Variants in DIAPH2 observed in about 807,000 individuals in gnomAD.
DIAPH2 encodes the protein diaphanous related formin 2, also known as protein diaphanous homolog 2.
A neutral mutation model predicts 92.7 loss-of-function variants in DIAPH2; 35 were observed. The observed-to-expected ratio is 0.38, with a 90% CI of 0.29 to 0.50. The LOEUF is 0.50. Among genes scored for constraint, DIAPH2 ranks in the 20% least tolerant of loss-of-function variants. The pLI, the probability that DIAPH2 is intolerant of heterozygous loss-of-function variation, is 0.94. For synonymous variants in DIAPH2, 301 were observed against 280.4 expected (o/e 1.07, Z -0.73); for missense variants, 701 against 819.5 (o/e 0.86, Z 1.77).
At chrX:97,042,059 C>T (rs777842508) in intron 17 of DIAPH2, among the ~76,000 whole-genome samples, 7 of 111,581 alleles carry the variant, frequency 6.3e-5, no homozygotes, top group Non-Finnish European at 1.3e-4. Flanking sequence ...CTTAACCTCT[C>T]TAAATCTCAG....
chrX:97,206,395 T>C (rs2067796469), intron 22 of DIAPH2, among the ~76,000 whole-genome samples: 1 of 112,110 alleles, frequency 8.9e-6, no homozygotes, highest in Non-Finnish European at 1.9e-5. Context: ...TCTTCCAAGC[T>C]ACTTCTAAAA....
At chrX:96,941,805 G>A (rs1455841537) in intron 12 of DIAPH2, among the ~76,000 whole-genome samples, 1 of 110,111 alleles carries the variant, frequency 9.1e-6, no homozygotes, top group Admixed American at 9.8e-5. Context: ...GTCACTAGAT[G>A]TAGTTGATTA....
intron 25 of DIAPH2, among the ~76,000 whole-genome samples, chrX:97,403,460 T>C (rs2069777724): frequency 8.9e-6 from 1 of 112,217 alleles, no homozygotes; most frequent in African/African-American, 3.2e-5. Flanking sequence ...ATGAATACTT[T>C]ACATACTCTA....
chrX:97,290,926 A>G, intron 23 of DIAPH2, among the ~76,000 whole-genome samples: 1 of 109,047 alleles, frequency 9.2e-6, no homozygotes, highest in East Asian at 2.9e-4. Flanking sequence ...ATACAAAAAA[A>G]GAAAAAAATT....
chrX:96,974,613 T>C (rs1017114028), intron 17 of DIAPH2, among the ~76,000 whole-genome samples: 1 of 111,836 alleles, frequency 8.9e-6, no homozygotes, highest in Non-Finnish European at 1.9e-5. Flanking sequence ...AATATATATG[T>C]TAGAAACAGC....
At chrX:97,446,922 A>G (rs1164951961) in intron 26 of DIAPH2, among the ~76,000 whole-genome samples, 1 of 109,265 alleles carries the variant, frequency 9.2e-6, no homozygotes, top group African/African-American at 3.3e-5. Flanking sequence ...TCTGGGCCCT[A>G]TAATATGTGG....
intron 4 of DIAPH2, among the ~76,000 whole-genome samples, chrX:96,857,253 T>C (rs2065046525): frequency 8.9e-6 from 1 of 111,862 alleles, no homozygotes; most frequent in Non-Finnish European, 1.9e-5. Flanking sequence ...GAATGCTCAC[T>C]GAATGTATAT....
intron 21 of DIAPH2, among the ~76,000 whole-genome samples, chrX:97,118,482 C>T (rs1320499141): frequency 9.0e-6 from 1 of 111,482 alleles, no homozygotes; most frequent in Non-Finnish European, 1.9e-5. Context: ...ATAGGGCTAC[C>T]AAAGGTTAGG....
chrX:97,363,736 A>G (rs1291459456), intron 24 of DIAPH2, among the ~76,000 whole-genome samples: 2 of 108,612 alleles, frequency 1.8e-5, no homozygotes, highest in Non-Finnish European at 3.8e-5. Flanking sequence ...TTCTTCCTCA[A>G]GGGAACTCGG....
intron 26 of DIAPH2, chrX:97,469,784 C>A (rs2070547191): frequency 8.4e-7 from 1 of 1,185,825 alleles, no homozygotes; most frequent in Non-Finnish European, 1.1e-6. Context: ...GGTGATGGTA[C>A]AACATGACTT....
chrX:97,221,261 T>C (rs957074558), intron 22 of DIAPH2, among the ~76,000 whole-genome samples: 1 of 111,997 alleles, frequency 8.9e-6, no homozygotes, highest in African/African-American at 3.2e-5. Flanking sequence ...AGGATATGCA[T>C]AGTGAGTTGA....
At chrX:97,286,043 T>C (rs1420638503) in intron 23 of DIAPH2, among the ~76,000 whole-genome samples, 1 of 100,001 alleles carries the variant, frequency 1.0e-5, no homozygotes, top group Non-Finnish European at 2.0e-5. Context: ...CCCAGAAACT[T>C]TTTTTTTTTT....
intron 1 of DIAPH2, among the ~76,000 whole-genome samples, chrX:96,693,245 C>A (rs889704268): frequency 1.8e-5 from 2 of 112,270 alleles, no homozygotes; most frequent in African/African-American, 6.5e-5. Context: ...CTCCACTCTG[C>A]AACTTCTAGA....
chrX:97,042,373 C>G (rs956993892), intron 17 of DIAPH2, among the ~76,000 whole-genome samples: 1 of 110,155 alleles, frequency 9.1e-6, no homozygotes, highest in African/African-American at 3.3e-5. Context: ...TATTTTCTTT[C>G]TCTCAGGCTT....
At chrX:97,429,810 C>CAAAA in intron 26 of DIAPH2, 65 bp downstream of exon 26, 1 of 807,332 alleles carries the variant, frequency 1.2e-6, no homozygotes, top group South Asian at 3.3e-5. Context: ...GTAGCAACAC[C>CAAAA]AAAAAAAAAA....
At chrX:96,839,864 G>A (rs2064924201) in intron 4 of DIAPH2, among the ~76,000 whole-genome samples, 1 of 111,702 alleles carries the variant, frequency 9.0e-6, no homozygotes, top group African/African-American at 3.3e-5. Flanking sequence ...ACTTTTAACA[G>A]TGAAGTCTTG....
chrX:97,384,586 GC>G (rs1449687987), intron 25 of DIAPH2, among the ~76,000 whole-genome samples: 2 of 111,871 alleles, frequency 1.8e-5, no homozygotes, highest in African/African-American at 6.5e-5. Context: ...GTTGTTTGAG[GC>G]CGGGCACAGT....
chrX:97,200,153 C>A (rs1388181077), intron 22 of DIAPH2, among the ~76,000 whole-genome samples: 2 of 112,033 alleles, frequency 1.8e-5, no homozygotes, highest in Non-Finnish European at 3.8e-5. Flanking sequence ...CTGTGCTACC[C>A]GCCCCAGATA....
chrX:96,811,334 A>G (rs750226050), intron 4 of DIAPH2, among the ~76,000 whole-genome samples: 27 of 111,673 alleles, frequency 2.4e-4, no homozygotes, highest in South Asian at 3.8e-4. Context: ...TTTTTGGTAT[A>G]TAGAAATGCT....
Sources: allele counts gnomAD v4.1 joint callset (sites outside exome capture counted in the v4.1 genomes callset), GRCh38; gene constraint gnomAD v4.1.1; transcripts MANE v1.5; gene names NCBI Gene and HGNC (gene_info 2026-07-23, HGNC 2026-07-21).